The following RPA3 variants were observed in gnomAD, a reference collection of about 807,000 sequenced individuals.
RPA3 encodes replication protein A 14 kDa subunit.
A neutral mutation model predicts 13.7 loss-of-function variants in RPA3; 24 were observed. That is an observed-to-expected ratio of 1.75 (90% CI 1.27 to 2.46). The LOEUF (loss-of-function observed/expected upper bound fraction) is 2.46. Ranked by LOEUF, RPA3 falls within the 30% of genes most tolerant of loss-of-function variation. The probability of loss-of-function intolerance (pLI) is 0.00; values close to 1 mark genes in which losing one functional copy is unlikely to be tolerated. For missense variants in RPA3, 183 were observed against 151.0 expected (o/e 1.21, Z -1.11); for synonymous variants, 59 against 51.2 (o/e 1.15, Z -0.65).
chr7:7,662,735 C>A (rs971841436), intron 4 of RPA3, among the ~76,000 whole-genome samples: 1 of 152,176 alleles, frequency 6.6e-6, no homozygotes, highest in Admixed American at 6.5e-5. Context: ...TCACTGGGAA[C>A]TGCAGATGGA....
chr7:7,643,675 T>A (rs948081262), intron 4 of RPA3, among the ~76,000 whole-genome samples: 1 of 148,698 alleles, frequency 6.7e-6, no homozygotes, highest in East Asian at 2.0e-4. Context: ...TCGCGCCACT[T>A]CACTCCAACC....
chr7:7,703,297 G>A (rs1466940410), intron 2 of RPA3, among the ~76,000 whole-genome samples: 2 of 152,120 alleles, frequency 1.3e-5, no homozygotes, highest in Non-Finnish European at 2.9e-5. Flanking sequence ...TGGAATTCGT[G>A]TGTTCTCATT....
chr7:7,675,601 T>C lies in RPA3; in HGVS notation c.-758+10229A>G, dbSNP rs139837665. Among the ~76,000 whole-genome samples, 21 of 152,304 alleles carry C rather than the reference T, an allele frequency of 1.4e-4. No homozygotes were observed. The East Asian group carries it at 3.5e-3, about 25-fold the overall frequency. On this transcript the variant is annotated intron_variant, in intron 4 of 7. Transcript: ENST00000223129. Reference sequence around the variant, plus strand: ...AAGGCACACAAACTTCCAAATTTCGTATTTTAAGAAGGAATTTCCGGGACC... The same window carrying C: ...AAGGCACACAAACTTCCAAATTTCGCATTTTAAGAAGGAATTTCCGGGACC...
intron 2 of RPA3, among the ~76,000 whole-genome samples, chr7:7,711,272 A>G (rs1411567838): frequency 3.3e-5 from 5 of 152,202 alleles, no homozygotes; most frequent in South Asian, 2.1e-4. Context: ...AAAAAGTTCA[A>G]TTAAAAGACA....
Position 7,637,846 on chromosome 7 carries a change from C to A in RPA3, c.283+18G>T, listed in dbSNP as rs1421825968. ...TGTAATTACATAAAACCAGTCAATA[C>A]TAGAATGCTTTATTTACCAAAAGGA... is the stretch of plus-strand genomic sequence containing the variant. On this transcript the variant is annotated intron_variant, in intron 7 of 7. Transcript: ENST00000223129. 2.6e-6 allele frequency: 4 copies of A among 1,567,762 alleles called. No homozygotes were observed. The highest frequency in any genetic ancestry group is 3.5e-6 in the Non-Finnish European group (4 of 1,139,722).
intron 4 of RPA3, among the ~76,000 whole-genome samples, chr7:7,655,819 GTC>G (rs146375851): frequency 1.3e-4 from 20 of 150,180 alleles, no homozygotes; most frequent in Non-Finnish European, 1.9e-4. Flanking sequence ...ATTTAGGACA[GTC>G]TCTCTCTCTC....
intron 4 of RPA3, among the ~76,000 whole-genome samples, chr7:7,645,219 T>G (rs982842271): frequency 6.6e-6 from 1 of 152,234 alleles, no homozygotes; most frequent in African/African-American, 2.4e-5. Flanking sequence ...TTATCTTTCT[T>G]ACCTTTTGCC....
chr7:7,683,968 G>A (rs1779978193), intron 4 of RPA3, among the ~76,000 whole-genome samples: 1 of 152,158 alleles, frequency 6.6e-6, no homozygotes, highest in African/African-American at 2.4e-5. Flanking sequence ...CTTGGTATCT[G>A]TGGGAAATTG....
chr7:7,711,439 A>G (rs768115785), intron 2 of RPA3, among the ~76,000 whole-genome samples: 2 of 152,166 alleles, frequency 1.3e-5, no homozygotes, highest in Admixed American at 6.5e-5. Context: ...TGAAAATTCT[A>G]TCCTTTTCAT....
intron 5 of RPA3, 79 bp from the exon 6 acceptor site, chr7:7,639,223 T>C (rs760629632): frequency 6.0e-6 from 6 of 1,004,484 alleles, no homozygotes; most frequent in Non-Finnish European, 9.0e-6. Flanking sequence ...TGATCCTTAG[T>C]TGAGCACAAA....
intron 4 of RPA3, among the ~76,000 whole-genome samples, chr7:7,644,550 C>G (rs886353914): frequency 6.6e-6 from 1 of 152,120 alleles, no homozygotes; most frequent in South Asian, 2.1e-4. Context: ...CTAGAATTCA[C>G]TCTTCATGTA....
chr7:7,668,543 A>G (rs1465344807), intron 4 of RPA3, among the ~76,000 whole-genome samples: 1 of 152,196 alleles, frequency 6.6e-6, no homozygotes, highest in African/African-American at 2.4e-5. Flanking sequence ...ACATACAGTA[A>G]GTTCTCACTT....
chr7:7,675,386 T>A (rs939760440), intron 4 of RPA3, among the ~76,000 whole-genome samples: 2 of 152,184 alleles, frequency 1.3e-5, no homozygotes, highest in Non-Finnish European at 2.9e-5. Flanking sequence ...CTCCTGGTGC[T>A]GCTAAGATCT....
intron 2 of RPA3, among the ~76,000 whole-genome samples, chr7:7,695,980 C>CG (rs1043475579): frequency 1.5e-4 from 18 of 122,370 alleles, no homozygotes; most frequent in African/African-American, 6.4e-4. Flanking sequence ...TGTATATCTC[C>CG]GTTTTTTTTT....
intron 6 of RPA3, 200 bp downstream of exon 6, chr7:7,638,870 C>T (rs928999276): frequency 1.8e-5 from 7 of 399,932 alleles, no homozygotes; most frequent in Non-Finnish European, 3.1e-5. Flanking sequence ...AAAATCATGA[C>T]GCCCAAAAAA....
intron 2 of RPA3, among the ~76,000 whole-genome samples, chr7:7,688,491 C>T (rs186814635): frequency 2.0e-4 from 30 of 152,272 alleles, no homozygotes; most frequent in African/African-American, 4.8e-4. Context: ...CCCTCAGCCC[C>T]GTGTTTCCTC....
chr7:7,689,925 C>G (rs1481948283), intron 2 of RPA3, among the ~76,000 whole-genome samples: 1 of 152,144 alleles, frequency 6.6e-6, no homozygotes, highest in Non-Finnish European at 1.5e-5. Flanking sequence ...GTTAAACATG[C>G]TCACATAATA....
chr7:7,705,282 GT>G (rs767308326), intron 2 of RPA3, among the ~76,000 whole-genome samples: 13 of 152,144 alleles, frequency 8.5e-5, no homozygotes, highest in Non-Finnish European at 1.8e-4. Flanking sequence ...TTAAGATTCT[GT>G]TTTGGAAAAA....
At chr7:7,714,068 G>C (rs1756902796) in intron 2 of RPA3, among the ~76,000 whole-genome samples, 1 of 152,188 alleles carries the variant, frequency 6.6e-6, no homozygotes, top group Non-Finnish European at 1.5e-5. Context: ...TCCAAAAATT[G>C]AGTTTTTTTG....
Sources: allele counts gnomAD v4.1 joint callset (sites outside exome capture counted in the v4.1 genomes callset), GRCh38; gene constraint gnomAD v4.1.1; transcripts MANE v1.5; gene names NCBI Gene and HGNC (gene_info 2026-07-23, HGNC 2026-07-21).